The following SLCO2B1 variants were observed in gnomAD, a reference collection of about 807,000 sequenced individuals.
SLCO2B1 encodes the protein OATP-RP2.
In SLCO2B1, 41 loss-of-function variants were observed where a neutral mutation model predicts 67.3. The observed-to-expected ratio is 0.61, with a 90% CI of 0.47 to 0.79. The LOEUF is 0.79. Ranked by LOEUF, SLCO2B1 falls within the 30% of genes least tolerant of loss-of-function variation. SLCO2B1 has a pLI of 0.00. For missense variants in SLCO2B1, 837 were observed against 920.1 expected, an observed-to-expected ratio of 0.91 and a Z score of 1.17; for synonymous variants, 379 against 381.4, an observed-to-expected ratio of 0.99 and a Z score of 0.07.
At position 75,164,211 on chromosome 11, in the gene SLCO2B1, C is replaced by G. The variant is rs1213700007; in HGVS notation, c.285+111C>G. ...CTTAAGGCCTTCCCCTCCCAGTGCC[C>G]TCAGGCAACCCCTGTCCCAGCGCCT... On this transcript the variant is annotated intron_variant, in intron 3 of 13. Coordinates refer to ENST00000289575, the MANE Select transcript of SLCO2B1 (RefSeq NM_007256.5). 5 of 1,193,284 alleles carry G rather than the reference C, an allele frequency of 4.2e-6. No homozygotes were observed. In the African/African-American group the frequency reaches 7.6e-5, roughly 18 times the overall value. 73.9% of individuals were successfully genotyped at this position (1,193,284 alleles called of 1,614,324 possible).
Position 75,151,128 on chromosome 11 carries a change from G to T in SLCO2B1, c.-254G>T. On this transcript the variant is annotated 5_prime_UTR_variant, in exon 1 of 14. Transcript: ENST00000289575. Reference sequence around the variant, plus strand: ...AGACAGAAGGAGCAAGTGACCCAGGGAGACAAACACTTGGAGATACTTGGG... The same window carrying T: ...AGACAGAAGGAGCAAGTGACCCAGGTAGACAAACACTTGGAGATACTTGGG... 2.0e-6 allele frequency: 1 copy of T among 506,464 alleles called. No homozygotes were observed. The highest frequency in any genetic ancestry group is 3.5e-6 in the Non-Finnish European group (1 of 285,728). The allele number at this position is 506,464 out of a possible 1,614,324, so 31.4% of individuals were successfully genotyped here. A position where few individuals can be genotyped will look rare whatever the true frequency, so the allele number is the denominator to read the frequency against.
At position 75,172,440 on chromosome 11, in the gene SLCO2B1, C is replaced by T. The variant is rs1420462200; in HGVS notation, c.843C>T (p.Leu281=). 2 of 1,614,202 alleles carry T rather than the reference C, an allele frequency of 1.2e-6. No homozygotes were observed. Among genetic ancestry groups the T allele is most frequent in the Non-Finnish European group, 1.7e-6 (2 of 1,180,014 alleles). The change falls in exon 7 of 14, where the codon CTC becomes CTT. Residue 281 remains leucine, a synonymous_variant. Coordinates refer to ENST00000289575, the MANE Select transcript of SLCO2B1 (RefSeq NM_007256.5). ...RWVGAWWLGF[L]IAAGAVALAA... Reference sequence around the variant, plus strand: ...TGGGTGCCTGGTGGCTGGGTTTCCTCATCGCTGCCGGTGCAGTGGCCCTGG... The same window carrying T: ...TGGGTGCCTGGTGGCTGGGTTTCCTTATCGCTGCCGGTGCAGTGGCCCTGG...
At chr11:75,156,635 G>A (rs929056269) in intron 1 of SLCO2B1, among the ~76,000 whole-genome samples, 6 of 152,158 alleles carry the variant, frequency 3.9e-5, no homozygotes, top group African/African-American at 1.2e-4. Flanking sequence ...TGGATCTCGT[G>A]CAAGAAAGAA....
chr11:75,204,250 C>T lies in SLCO2B1; in HGVS notation c.1950-150C>T, dbSNP rs527410873. The T allele has an allele frequency of 4.3e-5, 33 of 765,648 alleles. No homozygotes were observed. In the Admixed American group the frequency reaches 4.5e-4, roughly 10 times the overall value. The allele number at this position is 765,648 out of a possible 1,614,324, so 47.4% of individuals were successfully genotyped here. On this transcript the variant is annotated intron_variant, in intron 13 of 13. Coordinates refer to ENST00000289575, the MANE Select transcript of SLCO2B1 (RefSeq NM_007256.5). ...TCCCACCCAGGGCTCCTCTGCAGAG[C>T]CTCTCCCCCTCCTCCAGGGAAGAGC...
intron 13 of SLCO2B1, chr11:75,203,884 C>A: frequency 6.0e-6 from 1 of 166,500 alleles, no homozygotes; most frequent in Admixed American, 6.0e-5. Flanking sequence ...TCAAAGGAAC[C>A]TGAAGGCACA....
At position 75,172,175 on chromosome 11, in the gene SLCO2B1, G is replaced by C. The variant is rs77978449; in HGVS notation, c.782-204G>C. Among the ~76,000 whole-genome samples, 466 of 152,290 alleles carry C rather than the reference G, an allele frequency of 3.1e-3. 3 individuals are homozygous for C. Among genetic ancestry groups the C allele is most frequent in the African/African-American group, 0.011 (451 of 41,554 alleles). On this transcript the variant is annotated intron_variant, in intron 6 of 13. Coordinates refer to ENST00000289575, the MANE Select transcript of SLCO2B1 (RefSeq NM_007256.5). Reference sequence around the variant, plus strand: ...CTTGACCACTGCACTATACTGCCTTGGTAGTTGAAGAAGCCAAGGCTCGGA... The same window carrying C: ...CTTGACCACTGCACTATACTGCCTTCGTAGTTGAAGAAGCCAAGGCTCGGA...
intron 3 of SLCO2B1, 74 bp from the exon 4 acceptor site, chr11:75,165,713 T>C: frequency 1.4e-6 from 2 of 1,467,792 alleles, no homozygotes; most frequent in Non-Finnish European, 1.9e-6. Context: ...AAGTTAGACA[T>C]AGAGACAAGG....
At position 75,204,711 on chromosome 11, in the gene SLCO2B1, C is replaced by T; in HGVS notation, c.*131C>T. Reference sequence around the variant, plus strand: ...CCTCCACTAAATTGCTGTGTGACTTCAGGCAAGACATTGATCCTCTCTCAG... The same window carrying T: ...CCTCCACTAAATTGCTGTGTGACTTTAGGCAAGACATTGATCCTCTCTCAG... On this transcript the variant is annotated 3_prime_UTR_variant, in exon 14 of 14. Transcript: ENST00000289575. 1 of 726,656 alleles carries T rather than the reference C, an allele frequency of 1.4e-6. No individual in the cohort carries two copies. Among genetic ancestry groups the T allele is most frequent in the Non-Finnish European group, 2.1e-6 (1 of 470,018 alleles). 45.0% of individuals were successfully genotyped at this position (726,656 alleles called of 1,614,324 possible).
chr11:75,193,694 T>C lies in SLCO2B1; in HGVS notation c.1433+119T>C. ...CCTGCCTCAAATCTTGCCTCCCCAG[T>C]TCTGCTTAACAGCCCTTTAGAGATT... On this transcript the variant is annotated intron_variant, in intron 9 of 13. Transcript: ENST00000289575. The surrounding 1 kb of genome is among the most constrained non-coding windows in gnomAD (Gnocchi z 4.2). 3.3e-6 allele frequency: 3 copies of C among 895,778 alleles called. No homozygotes were observed. Among genetic ancestry groups the C allele is most frequent in the Non-Finnish European group, 5.0e-6 (3 of 603,912 alleles). The allele number at this position is 895,778 out of a possible 1,614,324, so 55.5% of individuals were successfully genotyped here.
chr11:75,178,374 C>T (rs1950052304), intron 7 of SLCO2B1, among the ~76,000 whole-genome samples: 1 of 152,198 alleles, frequency 6.6e-6, no homozygotes, highest in Non-Finnish European at 1.5e-5. Context: ...AACAGGAGTG[C>T]TTGTTCTTGG....
chr11:75,151,346 A>G lies in SLCO2B1; in HGVS notation c.-36A>G, dbSNP rs1944612. 1 allele frequency: 1,603,940 copies of G among 1,609,706 alleles called. 799,353 individuals are homozygous for G. The highest frequency in any genetic ancestry group is 1 in the African/African-American group (74,965 of 74,966). ...CTGCTAAGCTCCAGGTCCTGAGATT[A>G]AATTAGGGGCTGGAGCTCACTGCAC... On this transcript the variant is annotated 5_prime_UTR_variant, in exon 1 of 14. Coordinates refer to ENST00000289575, the MANE Select transcript of SLCO2B1 (RefSeq NM_007256.5).
In SLCO2B1 at chr11:75,169,693, G is replaced by C. The variant is rs1352533205; in HGVS notation, c.710G>C (p.Gly237Ala). Residue 237 changes from glycine to alanine, a missense_variant, in exon 6 of 14, where the codon GGG becomes GCG. Coordinates refer to ENST00000289575, the MANE Select transcript of SLCO2B1 (RefSeq NM_007256.5). ...ATCCTGTTTGCAGTGACCATGATGGGGCCAGGCCTGGCCTTTGGGCTGGGC... is the reference window on the plus strand; with the variant it reads ...ATCCTGTTTGCAGTGACCATGATGGCGCCAGGCCTGGCCTTTGGGCTGGGC... ...LGILFAVTMM[G>A]PGLAFGLGSL... 6.2e-7 allele frequency: 1 copy of C among 1,613,832 alleles called. No individual in the cohort carries two copies. Among genetic ancestry groups the C allele is most frequent in the Admixed American group, 1.7e-5 (1 of 59,956 alleles).
chr11:75,158,574 G>T (rs144994221), intron 1 of SLCO2B1, among the ~76,000 whole-genome samples: 1 of 152,200 alleles, frequency 6.6e-6, no homozygotes, highest in Non-Finnish European at 1.5e-5. Flanking sequence ...GAGAAGGTCA[G>T]AGTGGGGTGA....
At position 75,200,241 on chromosome 11, in the gene SLCO2B1, C is replaced by A; in HGVS notation, c.1617C>A (p.Cys539Ter). The A allele has an allele frequency of 1.2e-6, 2 of 1,612,336 alleles. No individual in the cohort carries two copies. The highest frequency in any genetic ancestry group is 1.7e-6 in the Non-Finnish European group (2 of 1,178,888). Reference sequence around the variant, plus strand: ...CACTCCAGGTTTTCTACACCAACTGCAGCTGCGTGGTGGAGGGCAACCCCG... The same window carrying A: ...CACTCCAGGTTTTCTACACCAACTGAAGCTGCGTGGTGGAGGGCAACCCCG... The part of the protein sequence containing the change: ...LDNSQVFYTN[C>*]SCVVEGNPVL... The change falls in exon 11 of 14, where the codon TGC becomes TGA. Residue 539 changes from cysteine to a stop codon, truncating the protein, a stop_gained. Coordinates refer to ENST00000289575, the MANE Select transcript of SLCO2B1 (RefSeq NM_007256.5). LOFTEE classifies it high-confidence loss of function.
intron 7 of SLCO2B1, among the ~76,000 whole-genome samples, chr11:75,185,622 A>G (rs945465093): frequency 1.4e-4 from 21 of 151,130 alleles, no homozygotes; most frequent in Non-Finnish European, 2.9e-5. Context: ...CCAGACCCCA[A>G]GAGAGGGTTC....
chr11:75,184,137 A>AT (rs1950121257), intron 7 of SLCO2B1, among the ~76,000 whole-genome samples: 1 of 151,802 alleles, frequency 6.6e-6, no homozygotes, highest in Non-Finnish European at 1.5e-5. Context: ...TCTTGCTTTC[A>AT]TTTTTTCCCC....
Position 75,164,114 on chromosome 11 carries a change from C to G in SLCO2B1, c.285+14C>G. 6.2e-7 allele frequency: 1 copy of G among 1,605,788 alleles called. No individual in the cohort carries two copies. The highest frequency in any genetic ancestry group is 8.5e-7 in the Non-Finnish European group (1 of 1,176,444). On this transcript the variant is annotated intron_variant, in intron 3 of 13. Coordinates refer to ENST00000289575, the MANE Select transcript of SLCO2B1 (RefSeq NM_007256.5). ...TCCTTCAACGAGGTACAGGCCCCAC[C>G]CAGCCACAGGGGTGGACACTGAGGG...
chr11:75,187,588 A>ACAGTGATGATGATGTTAGAGG (rs1213008899), intron 7 of SLCO2B1, among the ~76,000 whole-genome samples: 1 of 152,098 alleles, frequency 6.6e-6, no homozygotes, highest in Non-Finnish European at 1.5e-5. Context: ...GATGTTAGAG[A>ACAGTGATGATGATGTTAGAGG]CAGTGATAAT....
At chr11:75,173,884 C>A (rs954769664) in intron 7 of SLCO2B1, among the ~76,000 whole-genome samples, 6 of 152,004 alleles carry the variant, frequency 3.9e-5, no homozygotes, top group African/African-American at 1.5e-4. Context: ...CTCACCACAA[C>A]CTCCAACTCC....
Sources: gnomAD v4.1 joint callset for allele counts (sites outside exome capture counted in the v4.1 genomes callset) on GRCh38, gnomAD v4.1.1 for gene constraint, Gnocchi (gnomAD v3.1) non-coding constraint, MANE v1.5 for transcripts, NCBI Gene and HGNC (gene_info 2026-07-23, HGNC 2026-07-21) for gene names.